Variants in AHRR observed in about 807,000 individuals in gnomAD.
AHRR encodes the protein aryl hydrocarbon receptor repressor.
Under a neutral mutation model 44.0 loss-of-function variants are expected in AHRR, and 28 were observed. That is an observed-to-expected ratio of 0.64 (90% CI 0.47 to 0.87). The LOEUF is 0.87. Ranked by LOEUF, AHRR falls within the 40% of genes least tolerant of loss-of-function variation. AHRR has a pLI of 0.00. For synonymous variants in AHRR, 434 were observed against 407.0 expected (o/e 1.07, Z -0.80); for missense variants, 990 against 953.9 (o/e 1.04, Z -0.50).
At chr5:377,857 A>G (rs866343429) in intron 4 of AHRR, among the ~76,000 whole-genome samples, 1 of 152,228 alleles carries the variant, frequency 6.6e-6, no homozygotes, top group South Asian at 2.1e-4. Context: ...GGACTCTCCA[A>G]GAAGACTTTG....
At chr5:397,643 A>ATAGCCCCTGACCATCCACG (rs1734792636) in intron 4 of AHRR, among the ~76,000 whole-genome samples, 1 of 48,894 alleles carries the variant, frequency 2.0e-5, no homozygotes, top group Non-Finnish European at 3.7e-5. Flanking sequence ...GACCATCCAC[A>ATAGCCCCTGACCATCCACG]TAGCCCCTGA....
chr5:366,153 T>A (rs930098543), intron 3 of AHRR, among the ~76,000 whole-genome samples: 10 of 145,578 alleles, frequency 6.9e-5, no homozygotes, highest in African/African-American at 2.3e-4. Context: ...AACATTCAGA[T>A]GTTGGTTTCT....
chr5:341,861 T>C (rs1742361513), intron 1 of AHRR, among the ~76,000 whole-genome samples: 1 of 152,234 alleles, frequency 6.6e-6, no homozygotes, highest in African/African-American at 2.4e-5. Flanking sequence ...TCCATCAAAG[T>C]ACTGGTTAGC....
At chr5:334,571 A>G (rs954281744) in intron 1 of AHRR, among the ~76,000 whole-genome samples, 2 of 151,944 alleles carry the variant, frequency 1.3e-5, no homozygotes, top group Non-Finnish European at 2.9e-5. Context: ...TCCTTGGTAA[A>G]TATCTCATTC....
At chr5:330,981 G>A (rs1298336736) in intron 1 of AHRR, among the ~76,000 whole-genome samples, 2 of 146,960 alleles carry the variant, frequency 1.4e-5, no homozygotes, top group Non-Finnish European at 3.0e-5. Flanking sequence ...GGTTCATGCC[G>A]TTCTCCTGCC....
intron 5 of AHRR, among the ~76,000 whole-genome samples, chr5:422,112 C>T (rs1435726850): frequency 1.3e-5 from 2 of 152,178 alleles, no homozygotes; most frequent in Non-Finnish European, 2.9e-5. Context: ...GACACGCTCA[C>T]TGGCAGTGGT....
chr5:434,551 GC>G lies in AHRR; in HGVS notation c.1812del (p.Ser605AlafsTer4), dbSNP rs1560927666. 1 of 1,601,650 alleles carries G rather than the reference GC, an allele frequency of 6.2e-7. No individual in the cohort carries two copies. Among genetic ancestry groups the G allele is most frequent in the Non-Finnish European group, 8.5e-7 (1 of 1,174,624 alleles). ...AQPHGRATAG[R>X]SRELTPFHPA... ...CCCCATGGGAGGGCCACTGCTGGGC[GC>G]AGCAGGGAGCTGACCCCTTTCCACC... On this transcript the variant is annotated frameshift_variant, in exon 11 of 11. Coordinates refer to ENST00000684583, the MANE Select transcript of AHRR (RefSeq NM_001377236.1).
At chr5:373,203 G>A (rs1743637231) in intron 3 of AHRR, among the ~76,000 whole-genome samples, 1 of 152,234 alleles carries the variant, frequency 6.6e-6, no homozygotes, top group South Asian at 2.1e-4. Flanking sequence ...GCCCAGCCGT[G>A]GGGACTGTTC....
chr5:414,336 G>C (rs979041537), intron 5 of AHRR, among the ~76,000 whole-genome samples: 1 of 152,026 alleles, frequency 6.6e-6, no homozygotes, highest in Admixed American at 6.5e-5. Flanking sequence ...TTTTTTGTCT[G>C]GGGAGGAGCT....
At chr5:398,694 T>C (rs1734877890) in intron 4 of AHRR, among the ~76,000 whole-genome samples, 1 of 152,220 alleles carries the variant, frequency 6.6e-6, no homozygotes, top group Non-Finnish European at 1.5e-5. Flanking sequence ...TACTCCGTTT[T>C]AAGCTGCCGA....
intron 2 of AHRR, among the ~76,000 whole-genome samples, chr5:348,514 G>A (rs1349938476): frequency 6.6e-6 from 1 of 152,088 alleles, no homozygotes; most frequent in Non-Finnish European, 1.5e-5. Flanking sequence ...GTGGCCCCTC[G>A]TAATTCCTCC....
chr5:380,025 G>A (rs1185753866), intron 4 of AHRR, among the ~76,000 whole-genome samples: 1 of 152,116 alleles, frequency 6.6e-6, no homozygotes, highest in Non-Finnish European at 1.5e-5. Flanking sequence ...TGAGGTAGGG[G>A]TCAAGATTTA....
In AHRR at chr5:321,895, G is replaced by A. The variant is rs2126801524; in HGVS notation, c.-11+76G>A. ...GGAGACGGGATGCGCTCCCGGGTGT[G>A]GGGCTGAGGGACGGGCGCCGGCGTC... On this transcript the variant is annotated intron_variant, in intron 1 of 10. Coordinates refer to ENST00000684583, the MANE Select transcript of AHRR (RefSeq NM_001377236.1). The surrounding 1 kb of genome is among the most constrained non-coding windows in gnomAD (Gnocchi z 8.3). The A allele has an allele frequency of 6.6e-6, 1 of 152,102 alleles. No individual in the cohort carries two copies. 9.4% of individuals were successfully genotyped at this position (152,102 alleles called of 1,614,324 possible). A position where few individuals can be genotyped will look rare whatever the true frequency, so the allele number is the denominator to read the frequency against.
intron 3 of AHRR, among the ~76,000 whole-genome samples, chr5:373,715 GA>G (rs1477670379): frequency 6.6e-6 from 1 of 151,382 alleles, no homozygotes; most frequent in Non-Finnish European, 1.5e-5. Context: ...AGGGCGGGGG[GA>G]CCTGGGGAGG....
intron 4 of AHRR, among the ~76,000 whole-genome samples, chr5:397,391 A>G (rs1348079822): frequency 8.5e-6 from 1 of 117,500 alleles, no homozygotes; most frequent in Non-Finnish European, 1.8e-5. Context: ...CTGACCATCC[A>G]TGTTAGCCCC....
intron 2 of AHRR, among the ~76,000 whole-genome samples, chr5:353,470 C>T (rs1742930022): frequency 6.6e-6 from 1 of 152,186 alleles, no homozygotes; most frequent in Non-Finnish European, 1.5e-5. Context: ...TGTCTCCGTG[C>T]TCTGAGCTGC....
intron 2 of AHRR, among the ~76,000 whole-genome samples, chr5:346,698 G>GCCTCAC (rs1560886009): frequency 1.3e-5 from 2 of 152,158 alleles, no homozygotes; most frequent in African/African-American, 4.8e-5. Context: ...GCAGACCTCA[G>GCCTCAC]CCTCACCCTG....
intron 3 of AHRR, among the ~76,000 whole-genome samples, chr5:356,255 C>T (rs1223167801): frequency 2.0e-5 from 3 of 152,186 alleles, no homozygotes; most frequent in African/African-American, 7.2e-5. Flanking sequence ...AGAGAGCTCT[C>T]TGCCCTCCTG....
At chr5:346,833 C>G (rs1742694669) in intron 2 of AHRR, among the ~76,000 whole-genome samples, 1 of 152,246 alleles carries the variant, frequency 6.6e-6, no homozygotes, top group Non-Finnish European at 1.5e-5. Context: ...CGGAAGCTCA[C>G]GTAGCTTGCT....
Sources: allele counts gnomAD v4.1 joint callset (sites outside exome capture counted in the v4.1 genomes callset), GRCh38; gene constraint gnomAD v4.1.1; non-coding constraint Gnocchi (gnomAD v3.1); transcripts MANE v1.5; gene names NCBI Gene and HGNC (gene_info 2026-07-23, HGNC 2026-07-21).